The following SLC25A3 variants were observed in gnomAD, a reference collection of about 807,000 sequenced individuals.
SLC25A3 encodes the protein phosphate transport protein.
Under a neutral mutation model 37.1 loss-of-function variants are expected in SLC25A3, and 14 were observed. The ratio of observed to expected loss-of-function variants is 0.38; its 90% CI spans 0.25 to 0.59. SLC25A3 has a LOEUF of 0.59. Among genes scored for constraint, SLC25A3 ranks in the 20% least tolerant of loss-of-function variants. SLC25A3 has a pLI of 0.67. For synonymous variants in SLC25A3, 161 were observed against 168.7 expected (o/e 0.95, Z 0.36); for missense variants, 385 against 458.1 (o/e 0.84, Z 1.46).
rs2097597693 is a variant in SLC25A3 at position 98,601,364 on chromosome 12, C to T, written c.926-4C>T. 1 of 1,613,960 alleles carries T rather than the reference C, an allele frequency of 6.2e-7. No homozygotes were observed. The highest frequency in any genetic ancestry group is 8.5e-7 in the Non-Finnish European group (1 of 1,180,010). On this transcript the variant is annotated splice_polypyrimidine_tract_variant and splice_region_variant and intron_variant, in intron 7 of 7. Coordinates refer to ENST00000552981, the MANE Select transcript of SLC25A3 (RefSeq NM_002635.4). The stretch of plus-strand genomic sequence containing the variant: ...TTTTCATTTGCTTTTCCTGTTTGAA[C>T]CAGGTGTATGGAAGGGACTGTTTGC...
chr12:98,593,989 C>A lies in SLC25A3; in HGVS notation c.11C>A (p.Ser4Tyr), dbSNP rs771945609. The A allele has an allele frequency of 1.2e-6, 2 of 1,613,816 alleles. No individual in the cohort carries two copies. The highest frequency in any genetic ancestry group is 4.5e-5 in the East Asian group (2 of 44,868). Residue 4 changes from serine to tyrosine, a missense_variant, in exon 2 of 8, where the codon TCC (serine) becomes TAC (tyrosine). By Grantham distance (144) the Ser-to-Tyr change is moderately radical. This residue lies in a region of SLC25A3 where 109 missense variants were observed against 90.5 expected (regional missense o/e 1.20). Transcript: ENST00000552981. ...TCCTCCCCTAGAAAGATGTTCTCGTCCGTGGCGCACCTGGCGCGGGCGAAC... is the reference window on the plus strand; with the variant it reads ...TCCTCCCCTAGAAAGATGTTCTCGTACGTGGCGCACCTGGCGCGGGCGAAC... MFS[S>Y]VAHLARANPF...
Position 98,593,753 on chromosome 12 carries a change from G to A in SLC25A3, c.-5+13G>A, listed in dbSNP as rs1460467163. 9.9e-6 allele frequency: 6 copies of A among 607,048 alleles called. No individual in the cohort carries two copies. In the South Asian group the frequency reaches 1.2e-4, roughly 12 times the overall value. The allele number at this position is 607,048 out of a possible 1,614,324, so 37.6% of individuals were successfully genotyped here. A position where few individuals can be genotyped will look rare whatever the true frequency, so the allele number is the denominator to read the frequency against. ...GCCATCTTAGGGAGTGAGTGTGGCC[G>A]GGCCTTCTCCTGTGGCGGGTGTGGG... On this transcript the variant is annotated intron_variant, in intron 1 of 7. Transcript: ENST00000552981.
chr12:98,593,799 G>A, intron 1 of SLC25A3, 59 bp downstream of exon 1: 1 of 671,340 alleles, frequency 1.5e-6, no homozygotes, highest in South Asian at 1.8e-5. Flanking sequence ...CAGAGCTCCT[G>A]TGGGGCCGCT....
chr12:98,596,089 T>G (rs1467662533), intron 3 of SLC25A3, among the ~76,000 whole-genome samples: 2 of 152,210 alleles, frequency 1.3e-5, no homozygotes, highest in Non-Finnish European at 2.9e-5. Flanking sequence ...CTGCTGCTCT[T>G]CACTTCTGGC....
At position 98,605,200 on chromosome 12, in the gene SLC25A3, C is replaced by G. The variant is rs1367926055; in HGVS notation, c.*3672C>G. Reference sequence around the variant, plus strand: ...TTTAGGAGACCAAGGCAGGAGGATGCCTTGAGCCCAGGAGTTTGAGACCAT... The same window carrying G: ...TTTAGGAGACCAAGGCAGGAGGATGGCTTGAGCCCAGGAGTTTGAGACCAT... On this transcript the variant is annotated 3_prime_UTR_variant, in exon 8 of 8. Transcript: ENST00000552981. 2 of 151,832 alleles carry G rather than the reference C, an allele frequency of 1.3e-5. No homozygotes were observed. Among genetic ancestry groups the G allele is most frequent in the African/African-American group, 4.8e-5 (2 of 41,284 alleles). The allele number at this position is 151,832 out of a possible 1,614,324, so 9.4% of individuals were successfully genotyped here.
At chr12:98,599,917 G>T in intron 5 of SLC25A3, 38 bp from the exon 6 acceptor site, 1 of 1,610,702 alleles carries the variant, frequency 6.2e-7, no homozygotes, top group Non-Finnish European at 8.5e-7. Context: ...ATAGATGAGT[G>T]TATGCAACTG....
In SLC25A3 at chr12:98,594,033, C is replaced by T. The variant is rs373222952; in HGVS notation, c.55C>T (p.Leu19=). ...ARANPFNTPH[L]QLVHDGLGDL... ...GGCGAACCCCTTCAACACGCCACAT[C>T]TGCAGCTGGTGCACGATGGTCTCGG... is the stretch of plus-strand genomic sequence containing the variant. Residue 19 remains leucine (L), a synonymous_variant, in exon 2 of 8, where the codon CTG becomes TTG. Transcript: ENST00000552981. 125 of 1,613,564 alleles carry T rather than the reference C, an allele frequency of 7.7e-5. No individual in the cohort carries two copies. The highest frequency in any genetic ancestry group is 1.0e-4 in the Non-Finnish European group (121 of 1,179,890).
chr12:98,597,770 G>T, intron 3 of SLC25A3, 86 bp from the exon 4 acceptor site: 1 of 1,551,846 alleles, frequency 6.4e-7, no homozygotes, highest in Non-Finnish European at 8.7e-7. Context: ...ATTTATTATG[G>T]AACCCAAACA....
intron 1 of SLC25A3, 101 bp downstream of exon 1, chr12:98,593,841 T>C (rs1469919364): frequency 9.9e-7 from 1 of 1,009,308 alleles, no homozygotes; most frequent in Non-Finnish European, 1.5e-6. Flanking sequence ...GGGAGCAGCC[T>C]CTTTCGAAGG....
chr12:98,602,168 G>GA lies in SLC25A3; in HGVS notation c.*641dup, dbSNP rs1323937200. On this transcript the variant is annotated 3_prime_UTR_variant, in exon 8 of 8. Transcript: ENST00000552981. ...ACACTAATTCTCTTTACACAGATCT[G>GA]ACTTTTTTTTTTTTTGAGACGGAGT... 6.6e-6 allele frequency: 1 copy of GA among 151,800 alleles called. No individual in the cohort carries two copies. Among genetic ancestry groups the GA allele is most frequent in the African/African-American group, 2.5e-5 (1 of 40,556 alleles). The allele number at this position is 151,800 out of a possible 1,614,324, so 9.4% of individuals were successfully genotyped here.
At chr12:98,595,165 C>CT (rs1287831035) in intron 2 of SLC25A3, 1 of 459,800 alleles carries the variant, frequency 2.2e-6, no homozygotes, top group African/African-American at 2.0e-5. Context: ...TGAAGTTTGA[C>CT]TTTAATTGTA....
chr12:98,597,199 A>C (rs981469533), intron 3 of SLC25A3, among the ~76,000 whole-genome samples: 1 of 152,206 alleles, frequency 6.6e-6, no homozygotes, highest in East Asian at 1.9e-4. Context: ...TCCAAGACTT[A>C]GGTTTGACAC....
intron 1 of SLC25A3, 56 bp downstream of exon 1, chr12:98,593,796 C>T: frequency 3.0e-6 from 2 of 661,448 alleles, no homozygotes; most frequent in South Asian, 1.8e-5. Flanking sequence ...GCCCAGAGCT[C>T]CTGTGGGGCC....
In SLC25A3 at chr12:98,603,562, C is replaced by T. The variant is rs11109541; in HGVS notation, c.*2034C>T. ...AGTAGAAACGCATTAGTCCAGCCAACGTGAAAGTGGACCGTAGATCTAAAA... is the reference window on the plus strand; with the variant it reads ...AGTAGAAACGCATTAGTCCAGCCAATGTGAAAGTGGACCGTAGATCTAAAA... On this transcript the variant is annotated 3_prime_UTR_variant, in exon 8 of 8. Transcript: ENST00000552981. 49,711 of 152,076 alleles carry T rather than the reference C, an allele frequency of 0.33. 8,970 individuals carry two copies. The highest frequency in any genetic ancestry group is 0.5 in the East Asian group (2,573 of 5,168). 9.4% of individuals were successfully genotyped at this position (152,076 alleles called of 1,614,324 possible).
rs11544657 is a variant in SLC25A3, at chr12:98,601,445, G to A, written c.1003G>A (p.Val335Met). ...ACTACAGTGGTTTATCTATGACTCC[G>A]TGAAGGTCTACTTCAGACTTCCTCG... ...TALQWFIYDS[V>M]KVYFRLPRPP... Residue 335 changes from valine to methionine, a missense_variant, in exon 8 of 8, where the codon GTG becomes ATG. Physicochemically the swap from Val to Met is conservative, Grantham distance 21 (BLOSUM62 1). This residue lies in a region of SLC25A3 where 276 missense variants were observed against 367.6 expected (regional missense o/e 0.75). Coordinates refer to ENST00000552981, the MANE Select transcript of SLC25A3 (RefSeq NM_002635.4). The A allele has an allele frequency of 2.5e-5, 41 of 1,613,852 alleles. No individual in the cohort carries two copies. The highest frequency in any genetic ancestry group is 3.3e-5 in the Admixed American group (2 of 59,974).
rs1274311147 is a variant in SLC25A3, at chr12:98,604,858, C to G, written c.*3330C>G. On this transcript the variant is annotated 3_prime_UTR_variant, in exon 8 of 8. Transcript: ENST00000552981. Reference sequence around the variant, plus strand: ...CTCACTGCAGCCTCGATCTCCCAAGCTCAAGTGATCCTCCCACCTCAGCCT... The same window carrying G: ...CTCACTGCAGCCTCGATCTCCCAAGGTCAAGTGATCCTCCCACCTCAGCCT... The G allele has an allele frequency of 6.5e-6, 1 of 152,704 alleles. No homozygotes were observed. The highest frequency in any genetic ancestry group is 1.9e-4 in the East Asian group (1 of 5,192). The allele number at this position is 152,704 out of a possible 1,614,324, so 9.5% of individuals were successfully genotyped here.
rs1290449597 is a variant in SLC25A3, at chr12:98,594,044, G to C, written c.66G>C (p.Val22=). 1.2e-6 allele frequency: 2 copies of C among 1,613,426 alleles called. No individual in the cohort carries two copies. The highest frequency in any genetic ancestry group is 1.7e-5 in the Admixed American group (1 of 60,004). The change falls in exon 2 of 8, where the codon GTG becomes GTC. Residue 22 remains valine (V), a synonymous_variant. Transcript: ENST00000552981. The part of the protein sequence containing the change: ...NPFNTPHLQL[V]HDGLGDLRSS... ...TCAACACGCCACATCTGCAGCTGGT[G>C]CACGATGGTCTCGGGGACCTCCGCA...
chr12:98,601,011 A>T, intron 6 of SLC25A3, 160 bp from the exon 7 acceptor site: 1 of 718,568 alleles, frequency 1.4e-6, no homozygotes, highest in Non-Finnish European at 2.3e-6. Context: ...GTTCCGTTTT[A>T]CATAGGATAG....
At chr12:98,597,724 G>C in intron 3 of SLC25A3, 132 bp from the exon 4 acceptor site, 1 of 1,305,782 alleles carries the variant, frequency 7.7e-7, no homozygotes, top group Non-Finnish European at 1.0e-6. Context: ...GTGCCTGGCA[G>C]GAATTACTGT....
Sources: allele counts gnomAD v4.1 joint callset (sites outside exome capture counted in the v4.1 genomes callset), GRCh38; gene constraint gnomAD v4.1.1; regional missense constraint gnomAD v4.1.1; transcripts MANE v1.5; gene names NCBI Gene and HGNC (gene_info 2026-07-23, HGNC 2026-07-21).